STXBP3: variants seen among roughly 807,000 people sequenced by gnomAD.
The protein encoded by STXBP3 is syntaxin-binding protein 3.
In STXBP3, 41 loss-of-function variants were observed where a neutral mutation model predicts 85.7. The observed-to-expected ratio is 0.48, with a 90% CI of 0.37 to 0.62. STXBP3 has a LOEUF of 0.62. Among genes scored for constraint, STXBP3 ranks in the 20% least tolerant of loss-of-function variants. The pLI, the probability that STXBP3 is intolerant of heterozygous loss-of-function variation, is 0.00. For synonymous variants in STXBP3, 229 were observed against 231.7 expected (o/e 0.99, Z 0.10); for missense variants, 563 against 703.1 (o/e 0.80, Z 2.25).
intron 3 of STXBP3, 140 bp from the exon 4 acceptor site, chr1:108,756,550 C>T: frequency 2.5e-6 from 1 of 405,070 alleles, no homozygotes; most frequent in Non-Finnish European, 4.3e-6. Context: ...AATGTTAAAC[C>T]CAGTAAATGT....
chr1:108,751,812 T>C (rs571219403), intron 1 of STXBP3, among the ~76,000 whole-genome samples: 21 of 152,298 alleles, frequency 1.4e-4, no homozygotes, highest in Non-Finnish European at 2.8e-4. Flanking sequence ...TGCTGTGATA[T>C]GTATTGTTGA....
At chr1:108,779,485 G>A (rs1360536281) in intron 9 of STXBP3, 75 bp downstream of exon 9, 20 of 1,418,650 alleles carry the variant, frequency 1.4e-5, no homozygotes, top group Non-Finnish European at 1.9e-6. Context: ...GATTTATATA[G>A]GCACCAGAAA....
chr1:108,766,229 G>GA (rs199743923), intron 6 of STXBP3, among the ~76,000 whole-genome samples: 98 of 140,420 alleles, frequency 7.0e-4, no homozygotes, highest in African/African-American at 1.6e-3. Flanking sequence ...CCCCGCCCCT[G>GA]AAAAAAAAAA....
At chr1:108,776,795 AT>A (rs1214885107) in intron 8 of STXBP3, among the ~76,000 whole-genome samples, 1 of 152,220 alleles carries the variant, frequency 6.6e-6, no homozygotes, top group African/African-American at 2.4e-5. Context: ...GAGTTAATAC[AT>A]GGAAAGTCCT....
At chr1:108,757,969 G>T (rs1010098264) in intron 4 of STXBP3, among the ~76,000 whole-genome samples, 5 of 152,088 alleles carry the variant, frequency 3.3e-5, no homozygotes, top group African/African-American at 1.2e-4. Context: ...CATTTTGAAT[G>T]TTAAGTGACA....
intron 5 of STXBP3, 53 bp downstream of exon 5, chr1:108,758,641 A>T: frequency 9.2e-7 from 1 of 1,081,716 alleles, no homozygotes; most frequent in Non-Finnish European, 1.3e-6. Flanking sequence ...ATTGGTTTTA[A>T]ACTGTCGACT....
In STXBP3 at chr1:108,758,616, A is replaced by G. The variant is rs548337449; in HGVS notation, c.337+28A>G. ...AAGTCTTTTAAAAAGTTATTGCTTC[A>G]TTGTTCAAAATGCCATTGGTTTTAA... On this transcript the variant is annotated intron_variant, in intron 5 of 18. Coordinates refer to ENST00000370008, the MANE Select transcript of STXBP3 (RefSeq NM_007269.4). 1.0e-4 allele frequency: 138 copies of G among 1,335,792 alleles called. 1 individual carries two copies. Among genetic ancestry groups the G allele is most frequent in the Admixed American group, 3.2e-4 (14 of 43,218 alleles). The allele number at this position is 1,335,792 out of a possible 1,614,324, so 82.7% of individuals were successfully genotyped here. A position where few individuals can be genotyped will look rare whatever the true frequency, so the allele number is the denominator to read the frequency against.
At chr1:108,780,520 C>G (rs542326805) in intron 9 of STXBP3, 1 of 135,074 alleles carries the variant, frequency 7.4e-6, no homozygotes, top group South Asian at 2.4e-4. Context: ...TGCTCCATCA[C>G]AATTTTTTTT....
chr1:108,761,033 A>G (rs1464625804), intron 6 of STXBP3, among the ~76,000 whole-genome samples: 1 of 151,958 alleles, frequency 6.6e-6, no homozygotes, highest in Non-Finnish European at 1.5e-5. Context: ...CCTCCCAAGT[A>G]GTTGAGATTA....
chr1:108,803,612 C>G (rs1663274158), intron 17 of STXBP3, among the ~76,000 whole-genome samples: 1 of 152,174 alleles, frequency 6.6e-6, no homozygotes. Context: ...TCTCAGCCTC[C>G]TGACTAGCTG....
intron 17 of STXBP3, 54 bp downstream of exon 17, chr1:108,800,359 T>G: frequency 2.2e-6 from 3 of 1,356,554 alleles, no homozygotes; most frequent in Non-Finnish European, 3.2e-6. Context: ...ACTAATAATT[T>G]AAAATGGTAC....
At chr1:108,798,075 T>C in intron 15 of STXBP3, 70 bp from the exon 16 acceptor site, 1 of 1,236,726 alleles carries the variant, frequency 8.1e-7, no homozygotes, top group Non-Finnish European at 1.1e-6. Flanking sequence ...ATATCTTCGT[T>C]AGGAAACGTA....
intron 1 of STXBP3, among the ~76,000 whole-genome samples, chr1:108,748,100 T>C (rs1209971040): frequency 6.7e-6 from 1 of 149,882 alleles, no homozygotes; most frequent in Non-Finnish European, 1.5e-5. Context: ...TTATTATCTG[T>C]CATTCTGTGA....
At chr1:108,772,144 CTATATATCATATATAAATACATA>C (rs1662464948) in intron 6 of STXBP3, among the ~76,000 whole-genome samples, 25 of 83,136 alleles carry the variant, frequency 3.0e-4, no homozygotes, top group African/African-American at 9.2e-4. Flanking sequence ...TGATATCTAT[CTATATATCATATATAAATACATA>C]TGATATCTAT....
chr1:108,784,025 A>G (rs1308997892), intron 11 of STXBP3, among the ~76,000 whole-genome samples: 1 of 152,142 alleles, frequency 6.6e-6, no homozygotes, highest in African/African-American at 2.4e-5. Context: ...TTTTCTGGAT[A>G]TGAGTCCTAT....
intron 2 of STXBP3, among the ~76,000 whole-genome samples, chr1:108,752,770 A>G (rs1365554111): frequency 2.0e-5 from 3 of 152,232 alleles, no homozygotes; most frequent in African/African-American, 4.8e-5. Flanking sequence ...TAATTGTTCT[A>G]CAAGTGGCAA....
At chr1:108,802,835 T>G (rs1663260392) in intron 17 of STXBP3, among the ~76,000 whole-genome samples, 1 of 152,204 alleles carries the variant, frequency 6.6e-6, no homozygotes, top group South Asian at 2.1e-4. Context: ...CTTAATATAG[T>G]GTCATATTGT....
At chr1:108,794,714 C>A in intron 12 of STXBP3, 113 bp from the exon 13 acceptor site, 1 of 811,340 alleles carries the variant, frequency 1.2e-6, no homozygotes, top group Non-Finnish European at 2.0e-6. Flanking sequence ...TACATGTTAC[C>A]TTCTTTCACC....
At chr1:108,794,226 A>G (rs920298597) in intron 12 of STXBP3, among the ~76,000 whole-genome samples, 2 of 152,202 alleles carry the variant, frequency 1.3e-5, no homozygotes, top group African/African-American at 2.4e-5. Flanking sequence ...AAATTCAACA[A>G]TTCAATGCTT....
Sources: allele counts gnomAD v4.1 joint callset (sites outside exome capture counted in the v4.1 genomes callset), GRCh38; gene constraint gnomAD v4.1.1; transcripts MANE v1.5; gene names NCBI Gene and HGNC (gene_info 2026-07-23, HGNC 2026-07-21).